Variants in SUN1 observed in about 807,000 individuals in gnomAD.
SUN1 encodes Sad1 and UNC84 domain containing 1, also known as SUN domain-containing protein 1.
A neutral mutation model predicts 103.2 loss-of-function variants in SUN1; 61 were observed. The ratio of observed to expected loss-of-function variants is 0.59; its 90% CI spans 0.48 to 0.73. The LOEUF is 0.73. Among genes scored for constraint, SUN1 ranks in the 30% least tolerant of loss-of-function variants. The pLI is 0.00. For synonymous variants in SUN1, 490 were observed against 425.7 expected, an observed-to-expected ratio of 1.15 and a Z score of -1.86; for missense variants, 1,052 against 1,034.6, an observed-to-expected ratio of 1.02 and a Z score of -0.23.
At position 843,495 on chromosome 7, in the gene SUN1, T is replaced by G. The variant is rs1481397522; in HGVS notation, c.633T>G (p.Val211=). 2.5e-6 allele frequency: 4 copies of G among 1,613,966 alleles called. No homozygotes were observed. Among genetic ancestry groups the G allele is most frequent in the African/African-American group, 1.3e-5 (1 of 74,934 alleles). ...CGGCCCCCGGGCCCGTGTCGAGAGT[T>G]TATTCTAGGGACAGGAATCAAAAAT... ...HPAAPGPVSR[V]YSRDRNQKCY... Residue 211 remains valine (V), a synonymous_variant, in exon 5 of 19, where the codon GTT becomes GTG. Transcript: ENST00000401592.
chr7:841,176 G>A (rs997696937), intron 2 of SUN1, among the ~76,000 whole-genome samples: 10 of 150,190 alleles, frequency 6.7e-5, no homozygotes, highest in African/African-American at 2.5e-4. Flanking sequence ...CAGGTGATCC[G>A]CCTGCCCCAG....
At chr7:859,428 C>G (rs145975716) in intron 13 of SUN1, among the ~76,000 whole-genome samples, 1 of 152,248 alleles carries the variant, frequency 6.6e-6, no homozygotes, top group Non-Finnish European at 1.5e-5. Flanking sequence ...GGGAATCATC[C>G]TACAGAAATA....
At chr7:827,610 C>T (rs1793679239), upstream of SUN1, among the ~76,000 whole-genome samples, 1 of 151,842 alleles carries the variant, frequency 6.6e-6, no homozygotes, top group South Asian at 2.1e-4. Context: ...GCTGGGACTA[C>T]AGGTGCCCGC....
chr7:822,451 G>T (rs771228167), intron 1 of SUN1, among the ~76,000 whole-genome samples: 1 of 152,230 alleles, frequency 6.6e-6, no homozygotes, highest in Non-Finnish European at 1.5e-5. Context: ...ACATCCAGGT[G>T]CCGGGTTCCC....
In SUN1 at chr7:853,585, G is replaced by T; in HGVS notation, c.1230G>T (p.Ser410=). Reference sequence around the variant, plus strand: ...GCGGCGCTGCCGGGCCGTCAGCTTCGGTCAGAGACGCTGTGGGACAGCCCC... The same window carrying T: ...GCGGCGCTGCCGGGCCGTCAGCTTCTGTCAGAGACGCTGTGGGACAGCCCC... The part of the protein sequence containing the change: ...MEGGAAGPSA[S]VRDAVGQPPR... The change falls in exon 10 of 19, where the codon TCG becomes TCT. Residue 410 remains serine, a synonymous_variant. Coordinates refer to ENST00000401592, the MANE Select transcript of SUN1 (RefSeq NM_001130965.3). 5 of 1,607,004 alleles carry T rather than the reference G, an allele frequency of 3.1e-6. No homozygotes were observed. The highest frequency in any genetic ancestry group is 3.4e-6 in the Non-Finnish European group (4 of 1,179,930).
intron 1 of SUN1, among the ~76,000 whole-genome samples, chr7:822,348 G>T (rs1306323215): frequency 6.6e-6 from 1 of 152,200 alleles, no homozygotes; most frequent in Non-Finnish European, 1.5e-5. Context: ...GCTGTAGGTT[G>T]TGAGTTTAGG....
rs542502306 is a variant in SUN1, at chr7:854,580, C to T, written c.1264-340C>T. On this transcript the variant is annotated intron_variant, in intron 10 of 18. Coordinates refer to ENST00000401592, the MANE Select transcript of SUN1 (RefSeq NM_001130965.3). ...CTGGAGACGGCGAGGGCCTTGGGCT[C>T]TCACGTGGTCTGGTGTGTCAGTGCA... is the stretch of plus-strand genomic sequence containing the variant. Among the ~76,000 whole-genome samples the T allele has an allele frequency of 4.6e-5, 7 of 152,338 alleles. No individual in the cohort carries two copies. The East Asian group carries it at 1.4e-3, about 29-fold the overall frequency.
chr7:817,599 C>T (rs143226329), intron 1 of SUN1: 36 of 1,407,318 alleles, frequency 2.6e-5, no homozygotes, highest in African/African-American at 2.8e-5. Context: ...ATTGTGTCTT[C>T]TAAGCTTCAG....
chr7:838,896 C>A lies in SUN1; in HGVS notation c.176C>A (p.Ala59Asp). ...PRMSRRSLRLATTACTLGDGE... is the reference protein window; with the variant it reads ...PRMSRRSLRLDTTACTLGDGE... The stretch of plus-strand genomic sequence containing the variant: ...ATGTCCCGCCGTAGTTTGCGCCTGG[C>A]CACGACAGCATGCACCCTGGGGGAT... Residue 59 changes from alanine to aspartate, a missense_variant, in exon 2 of 19, where the codon GCC (alanine) becomes GAC (aspartate). Physicochemically the swap from Ala to Asp is moderately radical, Grantham distance 126 (BLOSUM62 -2). Transcript: ENST00000401592. 6.2e-7 allele frequency: 1 copy of A among 1,610,248 alleles called. No homozygotes were observed. Among genetic ancestry groups the A allele is most frequent in the Non-Finnish European group, 8.5e-7 (1 of 1,178,708 alleles).
intron 14 of SUN1, among the ~76,000 whole-genome samples, chr7:860,890 G>A (rs979731760): frequency 1.3e-5 from 2 of 152,136 alleles, no homozygotes; most frequent in African/African-American, 2.4e-5. Flanking sequence ...CAGATCTCCC[G>A]AGACTATCAC....
At chr7:825,515 C>T (rs1790891742) in intron 1 of SUN1, among the ~76,000 whole-genome samples, 1 of 152,214 alleles carries the variant, frequency 6.6e-6, no homozygotes, top group South Asian at 2.1e-4. Context: ...AAAGCGTGTT[C>T]ACTTGTGTGT....
upstream of SUN1, among the ~76,000 whole-genome samples, chr7:828,960 T>C (rs979652360): frequency 1.5e-4 from 23 of 152,304 alleles, no homozygotes; most frequent in African/African-American, 5.1e-4. Flanking sequence ...AGTTAGTCCG[T>C]TTCCTTCCAC....
At chr7:869,174 C>T in intron 16 of SUN1, 175 bp from the exon 17 acceptor site, 1 of 761,358 alleles carries the variant, frequency 1.3e-6, no homozygotes, top group Non-Finnish European at 2.1e-6. Flanking sequence ...GATAGTGGCC[C>T]TCTGAGGAGT....
intron 15 of SUN1, among the ~76,000 whole-genome samples, chr7:861,843 G>A (rs1433086474): frequency 4.6e-5 from 7 of 152,246 alleles, no homozygotes; most frequent in Non-Finnish European, 7.3e-5. Context: ...AAGACAGACC[G>A]AGAGCAGAAG....
rs754405975 is a variant in SUN1 at position 850,083 on chromosome 7, T to C, written c.659-1301T>C. On this transcript the variant is annotated intron_variant, in intron 5 of 18. Coordinates refer to ENST00000401592, the MANE Select transcript of SUN1 (RefSeq NM_001130965.3). ...TCATCTCGCCCTGTCACCATGCTAT[T>C]TGTGTCTTGTGTGGTTTGTGCTTGG... 1.1e-5 allele frequency: 16 copies of C among 1,478,344 alleles called. No individual in the cohort carries two copies. The Admixed American group carries it at 1.6e-4, about 15-fold the overall frequency. The allele number at this position is 1,478,344 out of a possible 1,614,324, so 91.6% of individuals were successfully genotyped here. A position where few individuals can be genotyped will look rare whatever the true frequency, so the allele number is the denominator to read the frequency against.
upstream of SUN1, chr7:816,551 G>T: frequency 2.6e-6 from 1 of 386,824 alleles, no homozygotes; most frequent in Non-Finnish European, 5.0e-6. Flanking sequence ...GCTCGGGACT[G>T]GTGAAGGCCT....
intron 6 of SUN1, 101 bp from the exon 7 acceptor site, chr7:851,849 T>A: frequency 7.9e-7 from 1 of 1,268,966 alleles, no homozygotes; most frequent in Non-Finnish European, 1.1e-6. Context: ...TCCAGCTTCA[T>A]CTTCATGTGC....
chr7:841,894 T>C, intron 2 of SUN1, 52 bp from the exon 3 acceptor site: 2 of 1,577,938 alleles, frequency 1.3e-6, no homozygotes. Context: ...ATGTAATCAT[T>C]TTGTATTTGC....
Position 838,844 on chromosome 7 carries a change from T to C in SUN1, c.124T>C (p.Leu42=). 6.3e-7 allele frequency: 1 copy of C among 1,577,072 alleles called. No homozygotes were observed. Among genetic ancestry groups the C allele is most frequent in the Non-Finnish European group, 8.6e-7 (1 of 1,160,480 alleles). Residue 42 remains leucine, a synonymous_variant, in exon 2 of 19, where the codon TTG becomes CTG. Coordinates refer to ENST00000401592, the MANE Select transcript of SUN1 (RefSeq NM_001130965.3). ...DALDFETEHK[L]DPVFDSPRMS... The stretch of plus-strand genomic sequence containing the variant: ...TCTGGATTTTGAGACGGAGCACAAA[T>C]TGGACCCTGTATTTGATTCTCCACG...
Sources: allele counts gnomAD v4.1 joint callset (sites outside exome capture counted in the v4.1 genomes callset), GRCh38; gene constraint gnomAD v4.1.1; transcripts MANE v1.5; gene names NCBI Gene and HGNC (gene_info 2026-07-23, HGNC 2026-07-21).